Variants in ZFYVE27 observed in about 807,000 individuals in gnomAD.
The protein encoded by ZFYVE27 is protrudin.
ZFYVE27 carries 36 observed loss-of-function variants against 52.8 expected under a neutral mutation model. The ratio of observed to expected loss-of-function variants is 0.68; its 90% CI spans 0.52 to 0.90. The LOEUF (loss-of-function observed/expected upper bound fraction) is 0.90, where lower values mean the gene tolerates loss of function less well. Ranked by LOEUF, ZFYVE27 falls within the 40% of genes least tolerant of loss-of-function variation. The pLI is 0.00. For missense variants in ZFYVE27, 450 were observed against 527.2 expected (o/e 0.85, Z 1.43); for synonymous variants, 223 against 215.6 (o/e 1.03, Z -0.30).
chr10:97,737,286 C>G lies in ZFYVE27; in HGVS notation c.-37C>G, dbSNP rs1260168539. 6.6e-6 allele frequency: 1 copy of G among 152,414 alleles called. No individual in the cohort carries two copies. Among genetic ancestry groups the G allele is most frequent in the East Asian group, 1.9e-4 (1 of 5,192 alleles). The allele number at this position is 152,414 out of a possible 1,614,324, so 9.4% of individuals were successfully genotyped here. Reference sequence around the variant, plus strand: ...CAGTGGCTCTACCCCTGCTCCTGCCCGACCCTGCCGCCTCCCTCACGGAGC... The same window carrying G: ...CAGTGGCTCTACCCCTGCTCCTGCCGGACCCTGCCGCCTCCCTCACGGAGC... On this transcript the variant is annotated 5_prime_UTR_variant, in exon 1 of 13. Coordinates refer to ENST00000684270, the MANE Select transcript of ZFYVE27 (RefSeq NM_001385875.1).
intron 2 of ZFYVE27, among the ~76,000 whole-genome samples, chr10:97,741,205 G>A (rs533266374): frequency 1.3e-5 from 2 of 152,156 alleles, no homozygotes; most frequent in African/African-American, 4.8e-5. Context: ...ACAATGTGGC[G>A]ATTCCTCAAG....
In ZFYVE27 at chr10:97,759,427, C is replaced by T; in HGVS notation, c.*127C>T. On this transcript the variant is annotated 3_prime_UTR_variant, in exon 13 of 13. Transcript: ENST00000684270. ...TGGCCTGAATGCTAGGTAGGCTTCC[C>T]CTTCCTTCCTCACTCTCTCCAGCTG... is the stretch of plus-strand genomic sequence containing the variant. The T allele has an allele frequency of 1.1e-6, 1 of 933,892 alleles. No homozygotes were observed. The highest frequency in any genetic ancestry group is 1.4e-5 in the South Asian group (1 of 72,612). The allele number at this position is 933,892 out of a possible 1,614,324, so 57.9% of individuals were successfully genotyped here.
At chr10:97,756,452 G>A (rs920621804) in intron 10 of ZFYVE27, among the ~76,000 whole-genome samples, 1 of 152,228 alleles carries the variant, frequency 6.6e-6, no homozygotes, top group Non-Finnish European at 1.5e-5. Flanking sequence ...TTCTGTGAAA[G>A]TGAGGCCTGG....
intron 6 of ZFYVE27, 145 bp downstream of exon 6, chr10:97,749,731 G>A (rs1233778011): frequency 2.8e-6 from 2 of 711,222 alleles, no homozygotes; most frequent in Non-Finnish European, 5.0e-6. Context: ...TCTCTCATGG[G>A]CTCTGCATCT....
At chr10:97,744,652 C>T in intron 3 of ZFYVE27, 77 bp from the exon 4 acceptor site, 1 of 1,558,558 alleles carries the variant, frequency 6.4e-7, no homozygotes, top group Admixed American at 1.7e-5. Context: ...AGGTGAGGAA[C>T]AAGCAGTGGG....
chr10:97,749,913 G>A (rs2046478135), intron 6 of ZFYVE27: 1 of 416,550 alleles, frequency 2.4e-6, no homozygotes, highest in Admixed American at 3.6e-5. Flanking sequence ...CCCCTGGGGT[G>A]CAGCCACCTG....
chr10:97,749,055 C>G (rs1037985211), intron 5 of ZFYVE27, among the ~76,000 whole-genome samples: 2 of 152,184 alleles, frequency 1.3e-5, no homozygotes, highest in African/African-American at 2.4e-5. Context: ...TTATCTCACT[C>G]TTATAGTAAC....
chr10:97,740,204 C>T (rs914109185), intron 2 of ZFYVE27, among the ~76,000 whole-genome samples: 3 of 152,200 alleles, frequency 2.0e-5, no homozygotes, highest in African/African-American at 4.8e-5. Flanking sequence ...AGTATTTATC[C>T]ATGCCTCAGT....
At chr10:97,750,506 C>A (rs747022175) in intron 7 of ZFYVE27, 36 bp downstream of exon 7, 2 of 1,612,286 alleles carry the variant, frequency 1.2e-6, no homozygotes, top group South Asian at 2.2e-5. Context: ...CTGCTGTGGC[C>A]GCTTGTGGGC....
chr10:97,746,625 G>A (rs1326246077), intron 4 of ZFYVE27, among the ~76,000 whole-genome samples: 2 of 151,636 alleles, frequency 1.3e-5, no homozygotes, highest in African/African-American at 2.4e-5. Flanking sequence ...ATTCGTAATC[G>A]GATTTTACCA....
At chr10:97,757,455 C>T in intron 11 of ZFYVE27, 144 bp downstream of exon 11, 1 of 1,340,108 alleles carries the variant, frequency 7.5e-7, no homozygotes, top group Non-Finnish European at 1.1e-6. Flanking sequence ...GTGCCCTCCC[C>T]TGCGCCTGTG....
At chr10:97,758,573 C>T (rs186350810) in intron 12 of ZFYVE27, among the ~76,000 whole-genome samples, 30 of 152,296 alleles carry the variant, frequency 2.0e-4, no homozygotes, top group African/African-American at 4.1e-4. Flanking sequence ...CTGCCCGCCT[C>T]GGCCTCCCAA....
Position 97,759,526 on chromosome 10 carries a change from C to A in ZFYVE27, c.*226C>A, listed in dbSNP as rs1466097285. 1 of 611,040 alleles carries A rather than the reference C, an allele frequency of 1.6e-6. No individual in the cohort carries two copies. Among genetic ancestry groups the A allele is most frequent in the Admixed American group, 2.3e-5 (1 of 42,736 alleles). The allele number at this position is 611,040 out of a possible 1,614,324, so 37.9% of individuals were successfully genotyped here. ...CTCAATCCCTTGAGGGAGAAGAGCCCCTGGAGGGCCTGGCATGTTTGTCCT... is the reference window on the plus strand; with the variant it reads ...CTCAATCCCTTGAGGGAGAAGAGCCACTGGAGGGCCTGGCATGTTTGTCCT... On this transcript the variant is annotated 3_prime_UTR_variant, in exon 13 of 13. Coordinates refer to ENST00000684270, the MANE Select transcript of ZFYVE27 (RefSeq NM_001385875.1).
intron 4 of ZFYVE27, among the ~76,000 whole-genome samples, chr10:97,746,372 G>A (rs2045426013): frequency 6.6e-6 from 1 of 152,102 alleles, no homozygotes; most frequent in South Asian, 2.1e-4. Context: ...ACTTAAAGAA[G>A]TACAGGAATA....
intron 10 of ZFYVE27, among the ~76,000 whole-genome samples, chr10:97,754,166 G>A (rs2047729496): frequency 6.6e-6 from 1 of 152,140 alleles, no homozygotes; most frequent in Non-Finnish European, 1.5e-5. Context: ...AGACAATGGA[G>A]TTTATCTTGA....
intron 10 of ZFYVE27, among the ~76,000 whole-genome samples, chr10:97,756,662 C>A (rs77806117): frequency 6.6e-6 from 1 of 152,200 alleles, no homozygotes; most frequent in African/African-American, 2.4e-5. Context: ...TTAGGCAGGA[C>A]CTCTCCCTGC....
chr10:97,749,176 AGTCT>A (rs2046278176), intron 5 of ZFYVE27, among the ~76,000 whole-genome samples: 1 of 152,202 alleles, frequency 6.6e-6, no homozygotes, highest in Non-Finnish European at 1.5e-5. Flanking sequence ...TTCAAATCCC[AGTCT>A]GTCTTACTCT....
At chr10:97,738,710 C>T (rs1250417271) in intron 2 of ZFYVE27, 36 bp downstream of exon 2, 5 of 1,611,484 alleles carry the variant, frequency 3.1e-6, no homozygotes, top group Non-Finnish European at 1.7e-6. Context: ...GTCTGCTCTG[C>T]CTTCTGCCGT....
At chr10:97,758,792 G>GT (rs1035599185) in intron 12 of ZFYVE27, among the ~76,000 whole-genome samples, 1 of 151,784 alleles carries the variant, frequency 6.6e-6, no homozygotes, top group South Asian at 2.1e-4. Flanking sequence ...TACTTATTCT[G>GT]TTTTTTTGAG....
Sources: allele counts gnomAD v4.1 joint callset (sites outside exome capture counted in the v4.1 genomes callset), GRCh38; gene constraint gnomAD v4.1.1; transcripts MANE v1.5; gene names NCBI Gene and HGNC (gene_info 2026-07-23, HGNC 2026-07-21).